TRAPPC9: variants seen among roughly 807,000 people sequenced by gnomAD.
TRAPPC9 encodes the protein IKK2 binding protein.
TRAPPC9 carries 83 observed loss-of-function variants against 124.0 expected under a neutral mutation model. The ratio of observed to expected loss-of-function variants is 0.67; its 90% CI spans 0.56 to 0.80. TRAPPC9 has a LOEUF of 0.80. Ranked by LOEUF, TRAPPC9 falls within the 30% of genes least tolerant of loss-of-function variation. The pLI is 0.00. For synonymous variants in TRAPPC9, 638 were observed against 617.5 expected, an observed-to-expected ratio of 1.03 and a Z score of -0.49; for missense variants, 1,302 against 1,508.3, an observed-to-expected ratio of 0.86 and a Z score of 2.27.
At chr8:140,033,663 T>TG (rs1840659457) in intron 17 of TRAPPC9, among the ~76,000 whole-genome samples, 1 of 54,890 alleles carries the variant, frequency 1.8e-5, no homozygotes, top group South Asian at 6.0e-4. Context: ...ATGTGGTTTT[T>TG]TTTTTTTTTT....
At chr8:140,367,795 T>G (rs114549543) in intron 8 of TRAPPC9, among the ~76,000 whole-genome samples, 2,952 of 151,968 alleles carry the variant, frequency 0.019, 97 homozygotes, top group African/African-American at 0.068. Context: ...TGGTATGGGG[T>G]GTTAACAGTG....
chr8:140,270,643 A>T (rs1335007813), intron 15 of TRAPPC9, among the ~76,000 whole-genome samples: 1 of 152,198 alleles, frequency 6.6e-6, no homozygotes, highest in Non-Finnish European at 1.5e-5. Context: ...GCCCAGGCTT[A>T]GGCAGGCTTT....
At chr8:140,017,654 G>T (rs1184323408) in intron 18 of TRAPPC9, among the ~76,000 whole-genome samples, 2 of 152,162 alleles carry the variant, frequency 1.3e-5, no homozygotes, top group Admixed American at 6.5e-5. Context: ...ATCATACAGT[G>T]TAAGTCCTCC....
chr8:140,020,885 A>G (rs976069393), intron 18 of TRAPPC9, among the ~76,000 whole-genome samples: 1 of 152,188 alleles, frequency 6.6e-6, no homozygotes, highest in African/African-American at 2.4e-5. Flanking sequence ...TGTCATTAAA[A>G]ATTGTCCTCT....
chr8:140,349,623 G>A (rs1266398651), intron 9 of TRAPPC9, among the ~76,000 whole-genome samples: 5 of 152,152 alleles, frequency 3.3e-5, no homozygotes, highest in African/African-American at 4.8e-5. Flanking sequence ...AGAGGGAGGC[G>A]GCAGGAGGGA....
At chr8:140,435,975 T>C (rs1360862959) in intron 3 of TRAPPC9, among the ~76,000 whole-genome samples, 2 of 152,260 alleles carry the variant, frequency 1.3e-5, no homozygotes. Flanking sequence ...TTTTTTGTGA[T>C]GTGGGTTACA....
intron 19 of TRAPPC9, among the ~76,000 whole-genome samples, chr8:139,969,223 G>T (rs1350817699): frequency 6.6e-6 from 1 of 152,212 alleles, no homozygotes; most frequent in East Asian, 1.9e-4. Flanking sequence ...GAGACAGAGG[G>T]CATCATGTCA....
intron 7 of TRAPPC9, among the ~76,000 whole-genome samples, chr8:140,376,434 T>C (rs577100297): frequency 6.6e-6 from 1 of 151,336 alleles, no homozygotes; most frequent in East Asian, 2.0e-4. Flanking sequence ...CAGGCACCTG[T>C]AGTCCCAGCT....
At chr8:139,978,474 T>C (rs1231672432) in intron 19 of TRAPPC9, among the ~76,000 whole-genome samples, 3 of 152,242 alleles carry the variant, frequency 2.0e-5, no homozygotes, top group Admixed American at 2.0e-4. Flanking sequence ...AGTTACAGCA[T>C]TAAATATGAA....
At chr8:140,231,015 A>G (rs1053039500) in intron 16 of TRAPPC9, among the ~76,000 whole-genome samples, 4 of 152,236 alleles carry the variant, frequency 2.6e-5, no homozygotes, top group Admixed American at 6.5e-5. Flanking sequence ...CTGCACTGAC[A>G]TCTTTACTAG....
At chr8:139,971,764 CATATAT>C (rs1193853233) in intron 19 of TRAPPC9, among the ~76,000 whole-genome samples, 3 of 81,098 alleles carry the variant, frequency 3.7e-5, no homozygotes, top group Admixed American at 1.3e-4. Context: ...CACACACACA[CATATAT>C]ATATACACAC....
chr8:140,149,806 C>T (rs181502796), intron 17 of TRAPPC9, among the ~76,000 whole-genome samples: 13 of 142,592 alleles, frequency 9.1e-5, no homozygotes, highest in African/African-American at 3.4e-4. Flanking sequence ...AAGGTCTGCT[C>T]GCCTTGACGC....
At chr8:139,798,469 T>C (rs996696848) in intron 21 of TRAPPC9, among the ~76,000 whole-genome samples, 6 of 152,204 alleles carry the variant, frequency 3.9e-5, no homozygotes, top group African/African-American at 1.4e-4. Context: ...GGTTGATGTG[T>C]AACCCAGGAT....
At chr8:140,270,314 C>T (rs10464982) in intron 15 of TRAPPC9, among the ~76,000 whole-genome samples, 57,716 of 151,956 alleles carry the variant, frequency 0.38, 11,438 homozygotes, top group East Asian at 0.73. Flanking sequence ...CATTCAAAAT[C>T]GCACAGTGGT....
At chr8:139,787,527 T>G (rs1475893313) in intron 21 of TRAPPC9, among the ~76,000 whole-genome samples, 1 of 152,138 alleles carries the variant, frequency 6.6e-6, no homozygotes, top group African/African-American at 2.4e-5. Context: ...GCCCCGACCC[T>G]GCAGACGCTT....
intron 19 of TRAPPC9, among the ~76,000 whole-genome samples, chr8:139,921,635 C>A (rs1832508526): frequency 6.6e-6 from 1 of 151,456 alleles, no homozygotes; most frequent in Non-Finnish European, 1.5e-5. Context: ...AGAGAAGGAC[C>A]ATCCCAGATA....
intron 19 of TRAPPC9, among the ~76,000 whole-genome samples, chr8:139,919,943 C>T (rs1455596741): frequency 6.6e-6 from 1 of 152,242 alleles, no homozygotes; most frequent in Non-Finnish European, 1.5e-5. Flanking sequence ...GGAACCATTT[C>T]AACACTCTTC....
At position 139,924,798 on chromosome 8, in the gene TRAPPC9, C is replaced by T. The variant is rs189973903; in HGVS notation, c.2811-14498G>A. 5.9e-5 allele frequency among the ~76,000 whole-genome samples: 9 copies of T among 152,304 alleles called. 1 individual carries two copies. The highest frequency in any genetic ancestry group is 2.6e-4 in the Admixed American group (4 of 15,294). On this transcript the variant is annotated intron_variant, in intron 19 of 22. Coordinates refer to ENST00000438773, the MANE Select transcript of TRAPPC9 (RefSeq NM_001160372.4). Reference sequence around the variant, plus strand: ...TCGTCCACCTCCTTCGCTCCTGGACCGTGAATTCTACAGAGTGAGGGAATT... The same window carrying T: ...TCGTCCACCTCCTTCGCTCCTGGACTGTGAATTCTACAGAGTGAGGGAATT...
intron 21 of TRAPPC9, among the ~76,000 whole-genome samples, chr8:139,787,167 G>A (rs548038496): frequency 6.6e-6 from 1 of 152,270 alleles, no homozygotes; most frequent in East Asian, 1.9e-4. Flanking sequence ...CGAGCTGACG[G>A]GCGTGAGTGA....
Sources: gnomAD v4.1 joint callset for allele counts (sites outside exome capture counted in the v4.1 genomes callset) on GRCh38, gnomAD v4.1.1 for gene constraint, MANE v1.5 for transcripts, NCBI Gene and HGNC (gene_info 2026-07-23, HGNC 2026-07-21) for gene names.